Variants in CDH13 observed in about 807,000 individuals in gnomAD.
The protein encoded by CDH13 is cadherin-13.
A neutral mutation model predicts 63.8 loss-of-function variants in CDH13; 24 were observed. The observed-to-expected ratio is 0.38, with a 90% CI of 0.27 to 0.53. The LOEUF is 0.53. Ranked by LOEUF, CDH13 falls within the 20% of genes least tolerant of loss-of-function variation. The pLI is 0.85. For synonymous variants in CDH13, 503 were observed against 355.3 expected (o/e 1.42, Z -4.67); for missense variants, 1,049 against 903.1 (o/e 1.16, Z -2.07).
chr16:82,823,947 T>C (rs938209239), intron 1 of CDH13: 1 of 152,166 alleles, frequency 6.6e-6, no homozygotes, highest in Non-Finnish European at 1.5e-5. Context: ...TAAACTTCCT[T>C]AGCAAATAGA....
At chr16:82,854,858 A>G (rs1002865589) in intron 1 of CDH13, among the ~76,000 whole-genome samples, 2 of 152,300 alleles carry the variant, frequency 1.3e-5, no homozygotes, top group South Asian at 2.1e-4. Flanking sequence ...TTTTGAGACC[A>G]TAATTATATT....
At chr16:83,439,345 T>G (rs534309232) in intron 6 of CDH13, among the ~76,000 whole-genome samples, 5 of 152,260 alleles carry the variant, frequency 3.3e-5, no homozygotes, top group African/African-American at 1.2e-4. Flanking sequence ...AATTAAGAAG[T>G]TGGGTTGATT....
intron 1 of CDH13, among the ~76,000 whole-genome samples, chr16:82,753,427 T>C (rs1427650578): frequency 6.6e-6 from 1 of 152,152 alleles, no homozygotes. Flanking sequence ...TTGCACACCA[T>C]TTATCCTCTC....
rs185849060 is a variant in CDH13 at position 83,606,892 on chromosome 16, G to T, written c.1101+4298G>T. Among the ~76,000 whole-genome samples the T allele has an allele frequency of 2.0e-3, 304 of 152,210 alleles. 2 individuals carry two copies. The highest frequency in any genetic ancestry group is 0.018 in the Admixed American group (281 of 15,288). On this transcript the variant is annotated intron_variant, in intron 8 of 13. Transcript: ENST00000567109. ...CAGGTATAACAGCCAGTAACAGGAA[G>T]TAAGAAGCAGGGAATGAGAAGAACA... is the stretch of plus-strand genomic sequence containing the variant.
chr16:82,965,918 A>T (rs1907736632), intron 2 of CDH13, among the ~76,000 whole-genome samples: 1 of 152,248 alleles, frequency 6.6e-6, no homozygotes, highest in Non-Finnish European at 1.5e-5. Flanking sequence ...ATCTGGTAGC[A>T]TAGCTGCCCA....
intron 3 of CDH13, among the ~76,000 whole-genome samples, chr16:83,117,542 C>A (rs1207036460): frequency 6.6e-6 from 1 of 151,728 alleles, no homozygotes; most frequent in Non-Finnish European, 1.5e-5. Context: ...TGTGGTTTGC[C>A]CCCTCTCTCT....
At chr16:83,650,303 A>G (rs1321863250) in intron 8 of CDH13, among the ~76,000 whole-genome samples, 4 of 152,164 alleles carry the variant, frequency 2.6e-5, no homozygotes, top group African/African-American at 7.2e-5. Flanking sequence ...TACATCAATA[A>G]TTTTCATAAT....
At chr16:83,258,402 ATATC>A (rs758238734) in intron 5 of CDH13, among the ~76,000 whole-genome samples, 6 of 152,210 alleles carry the variant, frequency 3.9e-5, no homozygotes, top group Admixed American at 6.5e-5. Context: ...AGACTCAAAG[ATATC>A]TAGTGATGTT....
chr16:83,509,451 T>C (rs1036032920), intron 7 of CDH13, among the ~76,000 whole-genome samples: 1 of 152,212 alleles, frequency 6.6e-6, no homozygotes, highest in Non-Finnish European at 1.5e-5. Flanking sequence ...CTTTACTTTT[T>C]TGTAGCACAA....
chr16:83,560,477 C>T (rs533975512), intron 7 of CDH13, among the ~76,000 whole-genome samples: 29 of 152,246 alleles, frequency 1.9e-4, no homozygotes, highest in African/African-American at 6.5e-4. Flanking sequence ...AATGGTCAAA[C>T]TCATGGAAGC....
chr16:82,746,631 A>T (rs1314628102), intron 1 of CDH13, among the ~76,000 whole-genome samples: 2 of 152,152 alleles, frequency 1.3e-5, no homozygotes, highest in East Asian at 3.8e-4. Flanking sequence ...ATACTAGAAG[A>T]AATTAATCCA....
intron 10 of CDH13, among the ~76,000 whole-genome samples, chr16:83,734,076 T>C (rs1215123533): frequency 6.6e-6 from 1 of 152,136 alleles, no homozygotes; most frequent in African/African-American, 2.4e-5. Flanking sequence ...TGACCATCCA[T>C]GTACTCCAAA....
chr16:82,891,124 C>G (rs748420845), intron 2 of CDH13, among the ~76,000 whole-genome samples: 1 of 151,700 alleles, frequency 6.6e-6, no homozygotes, highest in Non-Finnish European at 1.5e-5. Context: ...TCATACTGCC[C>G]CAGCCTCTGT....
At chr16:83,142,364 G>T (rs2036572264) in intron 4 of CDH13, among the ~76,000 whole-genome samples, 1 of 151,968 alleles carries the variant, frequency 6.6e-6, no homozygotes, top group South Asian at 2.1e-4. Flanking sequence ...GTTTTGCCAT[G>T]TTGGCCAGGC....
intron 10 of CDH13, among the ~76,000 whole-genome samples, chr16:83,744,009 C>G (rs561149904): frequency 9.9e-5 from 15 of 152,100 alleles, no homozygotes; most frequent in African/African-American, 3.6e-4. Context: ...AGTTGCTAAG[C>G]CTCTCTGATT....
intron 5 of CDH13, among the ~76,000 whole-genome samples, chr16:83,337,235 C>A (rs570693713): frequency 6.6e-6 from 1 of 152,114 alleles, no homozygotes; most frequent in African/African-American, 2.4e-5. Flanking sequence ...GCTCACCCAA[C>A]CCCCCACAGT....
At chr16:82,861,777 C>G (rs2039955963) in intron 2 of CDH13, among the ~76,000 whole-genome samples, 1 of 152,128 alleles carries the variant, frequency 6.6e-6, no homozygotes, top group African/African-American at 2.4e-5. Context: ...TTGCTTTTGT[C>G]TTAAAAACGC....
intron 3 of CDH13, among the ~76,000 whole-genome samples, chr16:83,067,115 C>G (rs1317012154): frequency 6.6e-6 from 1 of 152,164 alleles, no homozygotes; most frequent in Non-Finnish European, 1.5e-5. Flanking sequence ...AGTAGAGTTT[C>G]ACTTCCCTAG....
chr16:82,810,434 C>A (rs959857855), intron 1 of CDH13, among the ~76,000 whole-genome samples: 1 of 152,142 alleles, frequency 6.6e-6, no homozygotes, highest in East Asian at 1.9e-4. Context: ...GAACTTTAAT[C>A]GTCTCCTCAA....
Sources: allele counts gnomAD v4.1 joint callset (sites outside exome capture counted in the v4.1 genomes callset), GRCh38; gene constraint gnomAD v4.1.1; transcripts MANE v1.5; gene names NCBI Gene and HGNC (gene_info 2026-07-23, HGNC 2026-07-21).